Variants in CLASP1 observed in about 807,000 individuals in gnomAD.
CLASP1 encodes the protein cytoplasmic linker associated protein 1.
A neutral mutation model predicts 192.3 loss-of-function variants in CLASP1; 38 were observed. The observed-to-expected ratio is 0.20, with a 90% CI of 0.15 to 0.26. The LOEUF (loss-of-function observed/expected upper bound fraction) is 0.26, where lower values mean the gene tolerates loss of function less well. Among genes scored for constraint, CLASP1 ranks in the 10% least tolerant of loss-of-function variants. The pLI, the probability that CLASP1 is intolerant of heterozygous loss-of-function variation, is 1.00. For synonymous variants in CLASP1, 691 were observed against 712.8 expected, an observed-to-expected ratio of 0.97 and a Z score of 0.49; for missense variants, 1,433 against 1,932.5, an observed-to-expected ratio of 0.74 and a Z score of 4.85.
At chr2:121,388,318 A>C (rs2149387149) in intron 30 of CLASP1, among the ~76,000 whole-genome samples, 1 of 152,356 alleles carries the variant, frequency 6.6e-6, no homozygotes, top group East Asian at 1.9e-4. Flanking sequence ...ATTTTTAAAC[A>C]AGCTGCATTA....
chr2:121,579,135 A>G (rs2060863305), intron 2 of CLASP1, among the ~76,000 whole-genome samples: 1 of 152,176 alleles, frequency 6.6e-6, no homozygotes, highest in Non-Finnish European at 1.5e-5. Context: ...GAGCCTAGTC[A>G]TTTATTCATA....
intron 1 of CLASP1, among the ~76,000 whole-genome samples, chr2:121,612,096 G>A (rs532081602): frequency 6.8e-6 from 1 of 147,226 alleles, no homozygotes; most frequent in Non-Finnish European, 1.5e-5. Flanking sequence ...AGTTACAGGA[G>A]AAAGAGGAAC....
At chr2:121,590,759 T>A (rs779461011) in intron 2 of CLASP1, among the ~76,000 whole-genome samples, 4 of 152,172 alleles carry the variant, frequency 2.6e-5, no homozygotes, top group African/African-American at 9.7e-5. Flanking sequence ...CCAAGCTATA[T>A]GTATAAATCA....
intron 22 of CLASP1, 119 bp from the exon 23 acceptor site, chr2:121,418,848 T>C: frequency 2.9e-6 from 2 of 696,018 alleles, no homozygotes; most frequent in Non-Finnish European, 5.0e-6. Flanking sequence ...CGCTGGGGAG[T>C]TCTGATGACT....
chr2:121,502,957 G>A (rs916515306), intron 8 of CLASP1, among the ~76,000 whole-genome samples: 6 of 152,146 alleles, frequency 3.9e-5, no homozygotes, highest in African/African-American at 1.4e-4. Flanking sequence ...AAGCCAACAG[G>A]ATTCGCTAAT....
chr2:121,404,519 T>A, intron 25 of CLASP1, 85 bp from the exon 27 acceptor site: 3 of 1,209,254 alleles, frequency 2.5e-6, no homozygotes, highest in East Asian at 2.6e-5. Context: ...CAGGCTAGAG[T>A]GCAGTGGTGC....
At chr2:121,476,537 C>T (rs1467154929) in intron 8 of CLASP1, among the ~76,000 whole-genome samples, 1 of 152,176 alleles carries the variant, frequency 6.6e-6, no homozygotes, top group African/African-American at 2.4e-5. Flanking sequence ...TAACGACCAA[C>T]AAAAAGTCAC....
chr2:121,466,491 T>C (rs865964394), intron 9 of CLASP1, among the ~76,000 whole-genome samples: 1 of 152,152 alleles, frequency 6.6e-6, no homozygotes, highest in South Asian at 2.1e-4. Context: ...CTCAGCTTCA[T>C]CTTTTTTGGC....
chr2:121,640,312 A>G (rs1426736399), intron 1 of CLASP1, among the ~76,000 whole-genome samples: 1 of 152,222 alleles, frequency 6.6e-6, no homozygotes, highest in Non-Finnish European at 1.5e-5. Context: ...TTGCACATGT[A>G]TAACTATGTA....
intron 9 of CLASP1, among the ~76,000 whole-genome samples, chr2:121,463,934 C>T (rs949853763): frequency 2.6e-5 from 4 of 151,358 alleles, no homozygotes; most frequent in African/African-American, 4.9e-5. Flanking sequence ...CATGCTGGTG[C>T]GCTGCACCCA....
chr2:121,575,219 C>T (rs1487707092), intron 2 of CLASP1, among the ~76,000 whole-genome samples: 1 of 152,034 alleles, frequency 6.6e-6, no homozygotes, highest in Non-Finnish European at 1.5e-5. Flanking sequence ...TCAAGCAATT[C>T]TCCTGCCTCA....
intron 2 of CLASP1, among the ~76,000 whole-genome samples, chr2:121,531,179 C>G (rs928454019): frequency 6.6e-6 from 1 of 152,100 alleles, no homozygotes; most frequent in Non-Finnish European, 1.5e-5. Context: ...AACAGAACTT[C>G]ACCCCTTTAA....
At chr2:121,429,992 TAG>T (rs1454766466) in intron 20 of CLASP1, 79 bp downstream of exon 20, 29 of 1,071,462 alleles carry the variant, frequency 2.7e-5, no homozygotes, top group Non-Finnish European at 3.9e-5. Flanking sequence ...GAAGTCAATA[TAG>T]AGATTGTAAA....
intron 2 of CLASP1, chr2:121,530,621 C>G (rs946925749): frequency 1.3e-5 from 7 of 530,256 alleles, no homozygotes; most frequent in Non-Finnish European, 2.0e-5. Flanking sequence ...CGGTCCCGCC[C>G]CCGCCAGCCC....
chr2:121,464,901 A>G (rs947367506), intron 9 of CLASP1, among the ~76,000 whole-genome samples: 1 of 152,174 alleles, frequency 6.6e-6, no homozygotes, highest in Non-Finnish European at 1.5e-5. Flanking sequence ...TTGGTGTTTT[A>G]GACATGAAGT....
chr2:121,555,043 T>G (rs1575939687), intron 2 of CLASP1, among the ~76,000 whole-genome samples: 2 of 152,288 alleles, frequency 1.3e-5, no homozygotes, highest in South Asian at 4.1e-4. Context: ...AGCAAGGCCC[T>G]GGGTCAGGAA....
chr2:121,453,129 A>AT (rs1451640028), intron 14 of CLASP1, among the ~76,000 whole-genome samples: 1 of 152,034 alleles, frequency 6.6e-6, no homozygotes, highest in African/African-American at 2.4e-5. Flanking sequence ...TCTACAAAAA[A>AT]TTTTTTTAAA....
intron 2 of CLASP1, among the ~76,000 whole-genome samples, chr2:121,573,555 C>T (rs1351810523): frequency 1.3e-5 from 2 of 152,146 alleles, no homozygotes; most frequent in Non-Finnish European, 2.9e-5. Flanking sequence ...ATATTTGTTC[C>T]TATTACCCTG....
chr2:121,367,570 A>C lies in CLASP1; in HGVS notation c.3886+18T>G. On this transcript the variant is annotated intron_variant, in intron 35 of 39. Coordinates refer to ENST00000263710, the Ensembl canonical transcript of CLASP1. ...GAAGCACTTCTGGGTGGGGACAGTT[A>C]AGAAAAGAGACACCAACCGTCTCGA... 1 of 1,613,842 alleles carries C rather than the reference A, an allele frequency of 6.2e-7. No individual in the cohort carries two copies. Among genetic ancestry groups the C allele is most frequent in the Non-Finnish European group, 8.5e-7 (1 of 1,179,758 alleles).
Sources: allele counts gnomAD v4.1 joint callset (sites outside exome capture counted in the v4.1 genomes callset), GRCh38; gene constraint gnomAD v4.1.1; transcripts MANE v1.5; gene names NCBI Gene and HGNC (gene_info 2026-07-23, HGNC 2026-07-21).